Variants in FRMD5 observed in about 807,000 individuals in gnomAD.
FRMD5 encodes the protein FERM domain containing 5.
In FRMD5, 20 loss-of-function variants were observed where a neutral mutation model predicts 69.0. The observed-to-expected ratio is 0.29, with a 90% CI of 0.20 to 0.42. FRMD5 has a LOEUF of 0.42. Ranked by LOEUF, FRMD5 falls within the 10% of genes least tolerant of loss-of-function variation. FRMD5 has a pLI of 1.00. For missense variants in FRMD5, 595 were observed against 708.6 expected, an observed-to-expected ratio of 0.84 and a Z score of 1.82; for synonymous variants, 271 against 260.1, an observed-to-expected ratio of 1.04 and a Z score of -0.40.
At chr15:44,022,250 T>C (rs539415900) in intron 1 of FRMD5, among the ~76,000 whole-genome samples, 29 of 152,174 alleles carry the variant, frequency 1.9e-4, no homozygotes, top group African/African-American at 6.7e-4. Context: ...GTTTATGTTA[T>C]GTATATTTTA....
chr15:44,185,565 G>A (rs1369845314), intron 1 of FRMD5, among the ~76,000 whole-genome samples: 1 of 152,100 alleles, frequency 6.6e-6, no homozygotes, highest in Non-Finnish European at 1.5e-5. Flanking sequence ...GCTGAGGCGG[G>A]TGGATTGCTT....
intron 1 of FRMD5, among the ~76,000 whole-genome samples, chr15:44,077,643 A>G (rs1309095074): frequency 2.0e-5 from 3 of 152,130 alleles, no homozygotes; most frequent in Non-Finnish European, 4.4e-5. Context: ...GTGATCACTA[A>G]CAAATTTAGT....
chr15:43,922,515 C>T (rs1336801414), intron 2 of FRMD5, among the ~76,000 whole-genome samples: 1 of 152,160 alleles, frequency 6.6e-6, no homozygotes, highest in African/African-American at 2.4e-5. Context: ...AGTTCCTTCT[C>T]ATTTTAACCT....
rs2078100249 is a variant in FRMD5, at chr15:44,186,301, T to A, written c.102+8652A>T. On this transcript the variant is annotated intron_variant, in intron 1 of 13. Coordinates refer to ENST00000417257, the MANE Select transcript of FRMD5 (RefSeq NM_032892.5). ...AAACAAGAATCTTAGTGGCACCTCCTGCCTAGAGTATTTGGAATCCTTTGG... is the reference window on the plus strand; with the variant it reads ...AAACAAGAATCTTAGTGGCACCTCCAGCCTAGAGTATTTGGAATCCTTTGG... Among the ~76,000 whole-genome samples, 3 of 152,326 alleles carry A rather than the reference T, an allele frequency of 2.0e-5. No individual in the cohort carries two copies. In the South Asian group the frequency reaches 6.2e-4, roughly 32 times the overall value.
At chr15:44,095,726 T>A (rs1450736769) in intron 1 of FRMD5, among the ~76,000 whole-genome samples, 1 of 152,104 alleles carries the variant, frequency 6.6e-6, no homozygotes, top group African/African-American at 2.4e-5. Context: ...CTTTATTCCC[T>A]CCTGGCATGG....
At chr15:44,027,646 TTTTTG>T (rs1418342224) in intron 1 of FRMD5, among the ~76,000 whole-genome samples, 5 of 29,204 alleles carry the variant, frequency 1.7e-4, no homozygotes, top group Admixed American at 6.2e-4. Flanking sequence ...CTAGTTTTTT[TTTTTG>T]TTTTTTTTTT....
At chr15:44,058,799 A>AG (rs1555399623) in intron 1 of FRMD5, among the ~76,000 whole-genome samples, 23 of 151,398 alleles carry the variant, frequency 1.5e-4, no homozygotes, top group East Asian at 3.9e-4. Flanking sequence ...AAAAAAAAAA[A>AG]AAGAAGAAGA....
chr15:44,115,026 T>C (rs1461052573), intron 1 of FRMD5, among the ~76,000 whole-genome samples: 2 of 152,170 alleles, frequency 1.3e-5, no homozygotes, highest in East Asian at 1.9e-4. Flanking sequence ...CTTTCAAACA[T>C]TGGCAATTAA....
chr15:43,933,149 G>A (rs1197642270), intron 1 of FRMD5, among the ~76,000 whole-genome samples: 2 of 152,166 alleles, frequency 1.3e-5, no homozygotes, highest in African/African-American at 4.8e-5. Flanking sequence ...ACAGATGGGT[G>A]GAGAGACAGT....
chr15:43,906,678 T>C (rs1427770035), intron 5 of FRMD5, among the ~76,000 whole-genome samples: 2 of 151,554 alleles, frequency 1.3e-5, no homozygotes, highest in Non-Finnish European at 2.9e-5. Flanking sequence ...CTTGGCTCAC[T>C]GCAAGCTCCG....
chr15:44,001,022 AG>A (rs1350279112), intron 1 of FRMD5, among the ~76,000 whole-genome samples: 1 of 152,148 alleles, frequency 6.6e-6, no homozygotes, highest in African/African-American at 2.4e-5. Context: ...AGAGTGTACA[AG>A]GGTTCCCTTT....
At chr15:44,074,244 T>C (rs1401063470) in intron 1 of FRMD5, among the ~76,000 whole-genome samples, 1 of 152,210 alleles carries the variant, frequency 6.6e-6, no homozygotes, top group Non-Finnish European at 1.5e-5. Context: ...GCCTGGAAGT[T>C]ATTTTTATTT....
intron 1 of FRMD5, among the ~76,000 whole-genome samples, chr15:44,045,494 A>C (rs1334916319): frequency 1.3e-5 from 2 of 152,226 alleles, no homozygotes; most frequent in Non-Finnish European, 2.9e-5. Flanking sequence ...GAATCAATTA[A>C]AAAAAGCAAA....
intron 1 of FRMD5, among the ~76,000 whole-genome samples, chr15:44,145,110 T>A (rs2077337271): frequency 6.6e-6 from 1 of 152,296 alleles, no homozygotes; most frequent in Non-Finnish European, 1.5e-5. Flanking sequence ...AGCAGCCTAT[T>A]TCTCTGTTTT....
chr15:44,194,959 G>A lies in FRMD5; in HGVS notation c.96C>T (p.Thr32=), dbSNP rs2078263218. The part of the protein sequence containing the change: ...RLLDDSEYTC[T]IQRDAKGQYL... ...GGGGCGGCGCGGCGCTGACCTGGATGGTGCAGGTGTACTCGCTGTCGTCCA... is the reference window on the plus strand; with the variant it reads ...GGGGCGGCGCGGCGCTGACCTGGATAGTGCAGGTGTACTCGCTGTCGTCCA... Residue 32 remains threonine, a synonymous_variant, in exon 1 of 14, where the codon ACC becomes ACT. Transcript: ENST00000417257. 1 of 1,530,274 alleles carries A rather than the reference G, an allele frequency of 6.5e-7. No individual in the cohort carries two copies. Among genetic ancestry groups the A allele is most frequent in the Admixed American group, 2.0e-5 (1 of 50,928 alleles). The allele number at this position is 1,530,274 out of a possible 1,614,324, so 94.8% of individuals were successfully genotyped here.
chr15:44,088,601 A>T (rs1257219326), intron 1 of FRMD5, among the ~76,000 whole-genome samples: 2 of 151,994 alleles, frequency 1.3e-5, no homozygotes, highest in African/African-American at 4.8e-5. Context: ...TTCCCCCAAA[A>T]CCTTGGGTGT....
chr15:43,917,315 GAC>G (rs1316167365), intron 4 of FRMD5, among the ~76,000 whole-genome samples: 2 of 152,202 alleles, frequency 1.3e-5, no homozygotes, highest in African/African-American at 2.4e-5. Context: ...AGCAGAGACA[GAC>G]AGAAGTTCAG....
At chr15:44,175,853 C>T (rs973760303) in intron 1 of FRMD5, among the ~76,000 whole-genome samples, 2 of 151,980 alleles carry the variant, frequency 1.3e-5, no homozygotes, top group African/African-American at 4.8e-5. Flanking sequence ...CACTGAAAAC[C>T]ACAAAGCATT....
In FRMD5 at chr15:43,871,966, T is replaced by A. The variant is rs1370894510; in HGVS notation, c.*1919A>T. ...ACATACTGGTAAGGATCAGTTTTATTGTCTAGAGCAGGATTGGCGTATTAT... is the reference window on the plus strand; with the variant it reads ...ACATACTGGTAAGGATCAGTTTTATAGTCTAGAGCAGGATTGGCGTATTAT... On this transcript the variant is annotated 3_prime_UTR_variant, in exon 14 of 14. Coordinates refer to ENST00000417257, the MANE Select transcript of FRMD5 (RefSeq NM_032892.5). The A allele has an allele frequency of 6.6e-6, 1 of 152,224 alleles. No individual in the cohort carries two copies. Among genetic ancestry groups the A allele is most frequent in the Non-Finnish European group, 1.5e-5 (1 of 68,034 alleles). 9.4% of individuals were successfully genotyped at this position (152,224 alleles called of 1,614,324 possible).
Sources: allele counts gnomAD v4.1 joint callset (sites outside exome capture counted in the v4.1 genomes callset), GRCh38; gene constraint gnomAD v4.1.1; transcripts MANE v1.5; gene names NCBI Gene and HGNC (gene_info 2026-07-23, HGNC 2026-07-21).